SPATA13: variants seen among roughly 807,000 people sequenced by gnomAD.
SPATA13 encodes the protein spermatogenesis associated 13.
A neutral mutation model predicts 104.0 loss-of-function variants in SPATA13; 50 were observed. The ratio of observed to expected loss-of-function variants is 0.48; its 90% CI spans 0.38 to 0.61. The LOEUF (loss-of-function observed/expected upper bound fraction) is 0.61. SPATA13 is among the 20% of genes least tolerant of loss of function. SPATA13 has a pLI of 0.00. For synonymous variants in SPATA13, 606 were observed against 667.5 expected (o/e 0.91, Z 1.42); for missense variants, 1,524 against 1,690.6 (o/e 0.90, Z 1.73).
chr13:24,046,009 T>C (rs1307511802), intron 3 of SPATA13, among the ~76,000 whole-genome samples: 1 of 152,246 alleles, frequency 6.6e-6, no homozygotes, highest in Non-Finnish European at 1.5e-5. Flanking sequence ...ATATTTGAAT[T>C]CTACTACCTT....
intron 4 of SPATA13, among the ~76,000 whole-genome samples, chr13:24,276,545 G>A (rs978930038): frequency 6.6e-6 from 1 of 152,216 alleles, no homozygotes; most frequent in Non-Finnish European, 1.5e-5. Flanking sequence ...TGGCCGTTCT[G>A]CAAGATGAAA....
In SPATA13 at chr13:24,100,922, A is replaced by C. The variant is rs116052656; in HGVS notation, c.-112+83221A>C. On this transcript the variant is annotated intron_variant, in intron 3 of 14. Coordinates refer to the SPATA13 transcript ENST00000424834. The stretch of plus-strand genomic sequence containing the variant: ...TGCATTCATGCGTTCTCTTGATATA[A>C]ATCTTCACTGGGTTTTAGGGCATTG... Among the ~76,000 whole-genome samples the C allele has an allele frequency of 9.4e-3, 1,436 of 152,318 alleles. 31 individuals are homozygous for C. The highest frequency in any genetic ancestry group is 0.032 in the African/African-American group (1,340 of 41,558).
intron 3 of SPATA13, among the ~76,000 whole-genome samples, chr13:24,071,089 G>A (rs1320581806): frequency 6.6e-6 from 1 of 152,190 alleles, no homozygotes; most frequent in Admixed American, 6.5e-5. Context: ...ATGGTTCAGG[G>A]AGGACTTTAG....
At chr13:24,049,169 A>G (rs1287629996) in intron 3 of SPATA13, among the ~76,000 whole-genome samples, 2 of 152,228 alleles carry the variant, frequency 1.3e-5, no homozygotes, top group African/African-American at 2.4e-5. Context: ...GCTGTAAAAT[A>G]TGAACAACAG....
intron 3 of SPATA13, among the ~76,000 whole-genome samples, chr13:24,141,962 G>C (rs1881777613): frequency 6.6e-6 from 1 of 152,110 alleles, no homozygotes; most frequent in African/African-American, 2.4e-5. Context: ...ACTCACCTCA[G>C]TAGGGCCTCT....
At chr13:24,062,439 G>A (rs1028700) in intron 3 of SPATA13, among the ~76,000 whole-genome samples, 26,430 of 152,200 alleles carry the variant, frequency 0.17, 2,394 homozygotes, top group Non-Finnish European at 0.19. Context: ...AATGGCGCCA[G>A]GGTGCACGGT....
intron 3 of SPATA13, among the ~76,000 whole-genome samples, chr13:24,141,744 A>G (rs940084458): frequency 3.9e-5 from 6 of 152,354 alleles, no homozygotes; most frequent in East Asian, 1.9e-4. Context: ...CTTTATAGCT[A>G]GGGAGCCTCC....
intron 1 of SPATA13, among the ~76,000 whole-genome samples, chr13:24,181,399 G>A (rs983447092): frequency 1.3e-5 from 2 of 152,016 alleles, no homozygotes; most frequent in African/African-American, 4.8e-5. Context: ...ATAACACCTA[G>A]CTTAAAACAC....
At chr13:23,982,564 C>G (rs1874951258) in intron 1 of SPATA13, among the ~76,000 whole-genome samples, 1 of 151,894 alleles carries the variant, frequency 6.6e-6, no homozygotes, top group Admixed American at 6.6e-5. Context: ...TGCTTATTTG[C>G]TGATTTTTTT....
intron 2 of SPATA13, among the ~76,000 whole-genome samples, chr13:24,012,943 C>T (rs1317518668): frequency 6.6e-6 from 1 of 152,170 alleles, no homozygotes; most frequent in Admixed American, 6.5e-5. Flanking sequence ...TAGGCCACAA[C>T]TCTCCCTCAT....
intron 3 of SPATA13, among the ~76,000 whole-genome samples, chr13:24,142,307 T>G (rs1448787545): frequency 6.6e-6 from 1 of 152,136 alleles, no homozygotes; most frequent in African/African-American, 2.4e-5. Flanking sequence ...ATTTTCCCAC[T>G]TACATCCTTT....
At chr13:24,194,117 T>C (rs552703815) in intron 1 of SPATA13, among the ~76,000 whole-genome samples, 20 of 152,324 alleles carry the variant, frequency 1.3e-4, no homozygotes, top group African/African-American at 4.8e-4. Context: ...TATGGTTTTA[T>C]GAACTCTAGC....
intron 2 of SPATA13, among the ~76,000 whole-genome samples, chr13:24,010,126 T>C (rs903418640): frequency 1.3e-5 from 2 of 152,176 alleles, no homozygotes; most frequent in Non-Finnish European, 2.9e-5. Flanking sequence ...TTCCAGGTCA[T>C]AGGTAGATAA....
intron 4 of SPATA13, among the ~76,000 whole-genome samples, chr13:24,270,141 C>T (rs1874501669): frequency 6.6e-6 from 1 of 152,114 alleles, no homozygotes; most frequent in African/African-American, 2.4e-5. Context: ...AGGAAGCTCA[C>T]TCTTTGTTAA....
chr13:24,085,031 A>C (rs116938466), intron 3 of SPATA13, among the ~76,000 whole-genome samples: 1,762 of 152,306 alleles, frequency 0.012, 12 homozygotes, highest in Non-Finnish European at 0.017. Context: ...GTGTGTTCGC[A>C]GTCGCCTGGG....
chr13:24,197,432 T>A (rs1016502078), intron 1 of SPATA13, among the ~76,000 whole-genome samples: 2 of 152,320 alleles, frequency 1.3e-5, no homozygotes, highest in African/African-American at 4.8e-5. Context: ...AGCTCATCAA[T>A]GAGGGAACCA....
At chr13:24,261,601 G>A (rs4770639) in intron 4 of SPATA13, among the ~76,000 whole-genome samples, 98,397 of 151,986 alleles carry the variant, frequency 0.65, 33,088 homozygotes, top group East Asian at 0.91. Context: ...AGTGAAGGCA[G>A]AGAAATTCAC....
chr13:24,075,001 C>T (rs1030296389), intron 3 of SPATA13, among the ~76,000 whole-genome samples: 2 of 152,184 alleles, frequency 1.3e-5, no homozygotes, highest in African/African-American at 2.4e-5. Flanking sequence ...CTGTTTACAC[C>T]TGCAGTTTGG....
rs757626584 is a variant in SPATA13 at position 24,294,796 on chromosome 13, C to T, written c.3138C>T (p.Ile1046=). ...CCATGAAGAATGTGGCCTGTCTGAT[C>T]AACGAGCGCAAGCGCAAGCTGGAGA... The part of the protein sequence containing the change: ...YEAMKNVACL[I]NERKRKLESI... The change falls in exon 10 of 13, where the codon ATC becomes ATT. Residue 1046 remains isoleucine (I), a synonymous_variant. Transcript: ENST00000382108. 6 of 1,611,184 alleles carry T rather than the reference C, an allele frequency of 3.7e-6. No individual in the cohort carries two copies. In the African/African-American group the frequency reaches 8.0e-5, roughly 22 times the overall value.
Sources: gnomAD v4.1 joint callset for allele counts (sites outside exome capture counted in the v4.1 genomes callset) on GRCh38, gnomAD v4.1.1 for gene constraint, MANE v1.5 for transcripts, NCBI Gene and HGNC (gene_info 2026-07-23, HGNC 2026-07-21) for gene names.